Variants in ANKRD28 observed in about 807,000 individuals in gnomAD.
ANKRD28 encodes the protein ankyrin repeat domain 28.
A neutral mutation model predicts 126.5 loss-of-function variants in ANKRD28; 44 were observed. The observed-to-expected ratio is 0.35, with a 90% CI of 0.27 to 0.45. The LOEUF is 0.45. Among genes scored for constraint, ANKRD28 ranks in the 20% least tolerant of loss-of-function variants. The probability of loss-of-function intolerance (pLI) is 1.00; values close to 1 mark genes in which losing one functional copy is unlikely to be tolerated. For missense variants in ANKRD28, 1,110 were observed against 1,316.6 expected (o/e 0.84, Z 2.43); for synonymous variants, 442 against 468.5 (o/e 0.94, Z 0.73).
intron 1 of ANKRD28, among the ~76,000 whole-genome samples, chr3:15,831,255 CA>C (rs1182353701): frequency 6.6e-6 from 1 of 152,152 alleles, no homozygotes; most frequent in Non-Finnish European, 1.5e-5. Flanking sequence ...GTATATATAA[CA>C]AAAGCCAATC....
In ANKRD28 at chr3:15,707,958, G is replaced by C. The variant is rs745306537; in HGVS notation, c.1513C>G (p.Leu505Val). ...NDLDERGCTP[L>V]HYAATSDTDG... ...GTGTCTGATGTAGCTGCATAGTGCAGGGGTGTGCAGCCTCTTTCATCAAGG... is the reference window on the plus strand; with the variant it reads ...GTGTCTGATGTAGCTGCATAGTGCACGGGTGTGCAGCCTCTTTCATCAAGG... The change falls in exon 14 of 28, where the codon CTG becomes GTG. Residue 505 changes from leucine to valine, a missense_variant. Coordinates refer to ENST00000683139, the MANE Select transcript of ANKRD28 (RefSeq NM_001349278.2). The C allele has an allele frequency of 2.5e-6, 4 of 1,613,132 alleles. No homozygotes were observed. The highest frequency in any genetic ancestry group is 8.5e-7 in the Non-Finnish European group (1 of 1,179,596).
At chr3:15,766,610 T>C (rs796216850) in intron 2 of ANKRD28, among the ~76,000 whole-genome samples, 3 of 152,170 alleles carry the variant, frequency 2.0e-5, no homozygotes, top group African/African-American at 7.2e-5. Context: ...TGAATGAGGC[T>C]GCAGTGAGCC....
intron 4 of ANKRD28, among the ~76,000 whole-genome samples, chr3:15,738,227 T>C (rs2075167767): frequency 6.6e-6 from 1 of 152,106 alleles, no homozygotes; most frequent in Non-Finnish European, 1.5e-5. Flanking sequence ...TCGGCTGGTC[T>C]GAGAAATAAA....
chr3:15,670,146 T>C lies in ANKRD28; in HGVS notation c.*124A>G. On this transcript the variant is annotated 3_prime_UTR_variant, in exon 28 of 28. Transcript: ENST00000683139. ...TTCCTCCTAATGCCATCAGATCTCTTAACATTGGCTCACTGTGGGATCTTT... is the reference window on the plus strand; with the variant it reads ...TTCCTCCTAATGCCATCAGATCTCTCAACATTGGCTCACTGTGGGATCTTT... 9.0e-7 allele frequency: 1 copy of C among 1,109,064 alleles called. No individual in the cohort carries two copies. Among genetic ancestry groups the C allele is most frequent in the South Asian group, 1.7e-5 (1 of 59,400 alleles). The allele number at this position is 1,109,064 out of a possible 1,614,324, so 68.7% of individuals were successfully genotyped here.
intron 1 of ANKRD28, among the ~76,000 whole-genome samples, chr3:15,813,856 A>G (rs915937323): frequency 2.0e-5 from 3 of 152,240 alleles, no homozygotes; most frequent in Non-Finnish European, 4.4e-5. Context: ...ATGAGCTATG[A>G]GCAAAAGGAT....
intron 2 of ANKRD28, among the ~76,000 whole-genome samples, chr3:15,778,386 T>C (rs1259059427): frequency 6.6e-6 from 1 of 152,158 alleles, no homozygotes; most frequent in Non-Finnish European, 1.5e-5. Context: ...AATCAAGGTG[T>C]TGATGGGCTG....
chr3:15,800,397 T>C (rs2060439547), upstream of ANKRD28, among the ~76,000 whole-genome samples: 1 of 152,122 alleles, frequency 6.6e-6, no homozygotes, highest in African/African-American at 2.4e-5. Flanking sequence ...TTAAATGACA[T>C]TAACAGAATT....
chr3:15,796,565 C>A lies in ANKRD28; in HGVS notation c.-44G>T. 8.0e-7 allele frequency: 1 copy of A among 1,255,348 alleles called. No individual in the cohort carries two copies. Among genetic ancestry groups the A allele is most frequent in the South Asian group, 1.3e-5 (1 of 76,426 alleles). 77.8% of individuals were successfully genotyped at this position (1,255,348 alleles called of 1,614,324 possible). On this transcript the variant is annotated 5_prime_UTR_variant, in exon 1 of 28. Coordinates refer to ENST00000683139, the MANE Select transcript of ANKRD28 (RefSeq NM_001349278.2). Reference sequence around the variant, plus strand: ...AAATTCCAAGCTATGTGATAAAAGTCACAGTTGGAAGAGCACAAGTAGTTT... The same window carrying A: ...AAATTCCAAGCTATGTGATAAAAGTAACAGTTGGAAGAGCACAAGTAGTTT...
intron 1 of ANKRD28, among the ~76,000 whole-genome samples, chr3:15,840,677 T>A (rs575858740): frequency 6.6e-6 from 1 of 152,188 alleles, no homozygotes; most frequent in South Asian, 2.1e-4. Context: ...CAGCATGGTA[T>A]TAGCATAAAA....
intron 18 of ANKRD28, among the ~76,000 whole-genome samples, chr3:15,686,946 CTTT>C (rs368116430): frequency 2.1e-5 from 3 of 140,980 alleles, no homozygotes; most frequent in Non-Finnish European, 1.6e-5. Context: ...CCTGATATTG[CTTT>C]TTTTTTTTTT....
intron 1 of ANKRD28, among the ~76,000 whole-genome samples, chr3:15,804,901 C>T (rs2060544007): frequency 6.9e-6 from 1 of 145,124 alleles, no homozygotes; most frequent in Non-Finnish European, 1.5e-5. Context: ...TGGTATGTGC[C>T]TCAAAGGAAG....
chr3:15,791,870 C>T (rs1365107175), intron 2 of ANKRD28, among the ~76,000 whole-genome samples: 1 of 152,054 alleles, frequency 6.6e-6, no homozygotes, highest in Non-Finnish European at 1.5e-5. Context: ...GACTAATAAC[C>T]AGAATATAAG....
At chr3:15,754,667 G>C (rs528795389) in intron 3 of ANKRD28, among the ~76,000 whole-genome samples, 1 of 152,250 alleles carries the variant, frequency 6.6e-6, no homozygotes, top group African/African-American at 2.4e-5. Flanking sequence ...GGGTACTACT[G>C]TATTTGCTTA....
intron 2 of ANKRD28, among the ~76,000 whole-genome samples, chr3:15,779,505 A>G (rs1305744665): frequency 6.6e-6 from 1 of 152,258 alleles, no homozygotes; most frequent in African/African-American, 2.4e-5. Flanking sequence ...CAGGGCAGAC[A>G]ATATGGACAA....
rs1435782285 is a variant in ANKRD28 at position 15,814,004 on chromosome 3, C to A, written c.28-18698G>T. ...AAGACAGAGATCTTAGATTTATAAG[C>A]CCCCTCCACTGAAAATTTACTTGAA... On this transcript the variant is annotated intron_variant, in intron 1 of 27. Transcript: ENST00000399451. This position sits in a 1 kb window ranked among gnomAD's most constrained non-coding sequence, Gnocchi z 4.7. Among the ~76,000 whole-genome samples, 1 of 152,116 alleles carries A rather than the reference C, an allele frequency of 6.6e-6. No homozygotes were observed. The highest frequency in any genetic ancestry group is 1.5e-5 in the Non-Finnish European group (1 of 68,012).
chr3:15,844,557 G>C (rs1160055956), intron 1 of ANKRD28, among the ~76,000 whole-genome samples: 2 of 152,128 alleles, frequency 1.3e-5, no homozygotes. Context: ...GATCTGGAAG[G>C]CTTATAAGGC....
chr3:15,782,355 CA>C (rs1559522368), intron 2 of ANKRD28, among the ~76,000 whole-genome samples: 3 of 151,710 alleles, frequency 2.0e-5, no homozygotes, highest in Non-Finnish European at 4.4e-5. Context: ...TACATTAGGA[CA>C]AAAAATTATA....
In ANKRD28 at chr3:15,705,567, T is replaced by C. The variant is rs138744053; in HGVS notation, c.1547+2357A>G. On this transcript the variant is annotated intron_variant, in intron 14 of 27. Transcript: ENST00000683139. The stretch of plus-strand genomic sequence containing the variant: ...ACCATGAAATTATAAAACTGATAAA[T>C]TAGGGATAAGCTACTTATCCAAGTT... Among the ~76,000 whole-genome samples the C allele has an allele frequency of 2.1e-4, 32 of 152,326 alleles. No homozygotes were observed. In the East Asian group the frequency reaches 6.0e-3, roughly 28 times the overall value.
chr3:15,710,732 CCT>C (rs904695047), intron 12 of ANKRD28, among the ~76,000 whole-genome samples: 3 of 152,014 alleles, frequency 2.0e-5, no homozygotes, highest in Non-Finnish European at 4.4e-5. Context: ...CTAATTTTTC[CCT>C]GGTGGTACTA....
Sources: gnomAD v4.1 joint callset for allele counts (sites outside exome capture counted in the v4.1 genomes callset) on GRCh38, gnomAD v4.1.1 for gene constraint, Gnocchi (gnomAD v3.1) non-coding constraint, MANE v1.5 for transcripts, NCBI Gene and HGNC (gene_info 2026-07-23, HGNC 2026-07-21) for gene names.